USH2A: variants seen among roughly 807,000 people sequenced by gnomAD.
The protein encoded by USH2A is usherin, also known as Usher syndrome 2A (autosomal recessive, mild).
USH2A carries 443 observed loss-of-function variants against 538.9 expected under a neutral mutation model. That is an observed-to-expected ratio of 0.82 (90% CI 0.76 to 0.89). The LOEUF is 0.89. USH2A is among the 40% of genes least tolerant of loss of function. USH2A has a pLI of 0.00. For missense variants in USH2A, 6,633 were observed against 6,324.8 expected (o/e 1.05, Z -1.65); for synonymous variants, 2,413 against 2,273.5 (o/e 1.06, Z -1.75).
intron 4 of USH2A, among the ~76,000 whole-genome samples, chr1:216,333,457 CA>C (rs1223400998): frequency 2.0e-5 from 3 of 151,930 alleles, no homozygotes; most frequent in African/African-American, 7.3e-5. Flanking sequence ...AACAAAGCCC[CA>C]GAAAGCTGTG....
chr1:216,052,902 G>A (rs1023016228), intron 30 of USH2A, among the ~76,000 whole-genome samples: 12 of 152,176 alleles, frequency 7.9e-5, no homozygotes, highest in African/African-American at 2.9e-4. Context: ...TGAGATCATT[G>A]AGTGGTTATC....
At chr1:216,303,575 T>C (rs955256010) in intron 9 of USH2A, among the ~76,000 whole-genome samples, 6 of 151,978 alleles carry the variant, frequency 3.9e-5, no homozygotes, top group African/African-American at 1.4e-4. Flanking sequence ...GATTACTACA[T>C]TAGTAAATTA....
intron 30 of USH2A, among the ~76,000 whole-genome samples, chr1:216,055,370 C>G (rs1352625026): frequency 6.6e-6 from 1 of 152,108 alleles, no homozygotes; most frequent in Non-Finnish European, 1.5e-5. Context: ...AATGGAAGAG[C>G]CCACTTTTTA....
intron 47 of USH2A, among the ~76,000 whole-genome samples, chr1:215,828,181 G>T (rs1351010570): frequency 1.3e-5 from 2 of 152,128 alleles, no homozygotes; most frequent in Non-Finnish European, 2.9e-5. Context: ...GGTGCTGTGT[G>T]GGTCACATCT....
intron 26 of USH2A, among the ~76,000 whole-genome samples, chr1:216,082,962 C>T (rs574177794): frequency 1.3e-5 from 2 of 152,100 alleles, no homozygotes; most frequent in South Asian, 2.1e-4. Context: ...ATACAAAATT[C>T]TGATTACCTA....
chr1:215,741,345 A>G (rs770490440), intron 60 of USH2A, 30 bp downstream of exon 60: 1 of 1,612,544 alleles, frequency 6.2e-7, no homozygotes, highest in Non-Finnish European at 8.5e-7. Flanking sequence ...TTCTTAAATA[A>G]CTAAAAATAA....
In USH2A at chr1:216,122,027, A is replaced by G. The variant is rs1161174335; in HGVS notation, c.4628-24814T>C. Among the ~76,000 whole-genome samples, 7 of 152,328 alleles carry G rather than the reference A, an allele frequency of 4.6e-5. No homozygotes were observed. In the East Asian group the frequency reaches 1.3e-3, roughly 29 times the overall value. ...TTTCATCTAAAAGAAATTGTCACAA[A>G]AAGGACCGCAAACACAAAAATCATA... is the stretch of plus-strand genomic sequence containing the variant. On this transcript the variant is annotated intron_variant, in intron 21 of 71. Transcript: ENST00000307340.
chr1:216,177,384 C>G (rs2034409459), intron 20 of USH2A, among the ~76,000 whole-genome samples: 2 of 152,116 alleles, frequency 1.3e-5, no homozygotes, highest in Admixed American at 1.3e-4. Context: ...CTTTTATACG[C>G]TATTTTCTAT....
chr1:216,176,739 A>T (rs2034394593), intron 20 of USH2A, among the ~76,000 whole-genome samples: 2 of 152,134 alleles, frequency 1.3e-5, no homozygotes, highest in South Asian at 4.1e-4. Flanking sequence ...AACCCCAGGT[A>T]ACTACTCATC....
In USH2A at chr1:216,062,702, G is replaced by A. The variant is rs538407885; in HGVS notation, c.6049+7399C>T. 1.5e-4 allele frequency among the ~76,000 whole-genome samples: 23 copies of A among 152,214 alleles called. No individual in the cohort carries two copies. The South Asian group carries it at 2.1e-3, about 14-fold the overall frequency. ...CACACAGCTAAAAAGTGGCATAGGC[G>A]GAATTTGACCTTAGATTGATTTGAC... is the stretch of plus-strand genomic sequence containing the variant. On this transcript the variant is annotated intron_variant, in intron 30 of 71. Coordinates refer to ENST00000307340, the MANE Select transcript of USH2A (RefSeq NM_206933.4).
chr1:215,746,259 G>A (rs1660466774), intron 58 of USH2A, among the ~76,000 whole-genome samples: 1 of 152,136 alleles, frequency 6.6e-6, no homozygotes, highest in African/African-American at 2.4e-5. Context: ...TAGTCTGAGC[G>A]AGTGTGGGTG....
chr1:216,227,545 G>A (rs1558329322), intron 14 of USH2A, among the ~76,000 whole-genome samples: 1 of 152,130 alleles, frequency 6.6e-6, no homozygotes. Context: ...ATGGAATGGA[G>A]GAACAAGAGT....
chr1:216,275,844 A>C (rs2036661011), intron 11 of USH2A, among the ~76,000 whole-genome samples: 1 of 152,150 alleles, frequency 6.6e-6, no homozygotes, highest in African/African-American at 2.4e-5. Context: ...AATTTTATTT[A>C]ATATTTAGGA....
chr1:216,298,230 T>C (rs2037143279), intron 9 of USH2A, among the ~76,000 whole-genome samples: 1 of 152,246 alleles, frequency 6.6e-6, no homozygotes, highest in Admixed American at 6.5e-5. Context: ...TGATTTCAGA[T>C]GCAGTTTGTC....
At chr1:215,663,774 T>A (rs987741639) in intron 64 of USH2A, among the ~76,000 whole-genome samples, 1 of 152,188 alleles carries the variant, frequency 6.6e-6, no homozygotes, top group African/African-American at 2.4e-5. Context: ...GGCGAAGTGG[T>A]TTCTATGTAT....
chr1:216,127,575 G>C (rs2033281302), intron 21 of USH2A, among the ~76,000 whole-genome samples: 1 of 152,100 alleles, frequency 6.6e-6, no homozygotes, highest in Non-Finnish European at 1.5e-5. Context: ...TTTATACAGA[G>C]ACCTTGCTAA....
At chr1:216,020,037 T>A (rs1561175) in intron 32 of USH2A, among the ~76,000 whole-genome samples, 1 of 151,984 alleles carries the variant, frequency 6.6e-6, no homozygotes, top group Non-Finnish European at 1.5e-5. Context: ...GAATCATTTC[T>A]GTAGAATGAT....
rs184251287 is a variant in USH2A at position 215,660,144 on chromosome 1, G to A, written c.14134-9343C>T. On this transcript the variant is annotated intron_variant, in intron 64 of 71. Transcript: ENST00000307340. ...CCAGTCTTTGAAACTGAATCTTAAG[G>A]TTCGAATTTGAGTCCTTCAACTTAT... Among the ~76,000 whole-genome samples, 488 of 152,260 alleles carry A rather than the reference G, an allele frequency of 3.2e-3. 2 individuals carry two copies. The highest frequency in any genetic ancestry group is 5.3e-3 in the Non-Finnish European group (360 of 68,028).
chr1:215,680,735 C>T (rs1255584524), intron 61 of USH2A, among the ~76,000 whole-genome samples: 2 of 151,756 alleles, frequency 1.3e-5, no homozygotes, highest in Admixed American at 6.6e-5. Flanking sequence ...ATCAGTGGTG[C>T]CAAGCTGCAT....
Sources: gnomAD v4.1 joint callset for allele counts (sites outside exome capture counted in the v4.1 genomes callset) on GRCh38, gnomAD v4.1.1 for gene constraint, MANE v1.5 for transcripts, NCBI Gene and HGNC (gene_info 2026-07-23, HGNC 2026-07-21) for gene names.